The following GMDS variants were observed in gnomAD, a reference collection of about 807,000 sequenced individuals.
GMDS encodes the protein GDP-mannose 4,6 dehydratase.
In GMDS, 20 loss-of-function variants were observed where a neutral mutation model predicts 49.9. The observed-to-expected ratio is 0.40, with a 90% CI of 0.28 to 0.58. The LOEUF is 0.58. Ranked by LOEUF, GMDS falls within the 20% of genes least tolerant of loss-of-function variation. GMDS has a pLI of 0.42. For synonymous variants in GMDS, 177 were observed against 178.6 expected, an observed-to-expected ratio of 0.99 and a Z score of 0.07; for missense variants, 362 against 481.4, an observed-to-expected ratio of 0.75 and a Z score of 2.32.
intron 4 of GMDS, among the ~76,000 whole-genome samples, chr6:2,108,544 C>A (rs1197113505): frequency 1.3e-5 from 2 of 152,172 alleles, no homozygotes; most frequent in Admixed American, 6.5e-5. Context: ...TGGGGATCTT[C>A]TAGCTATTCA....
chr6:1,625,088 C>T (rs1011884148), intron 9 of GMDS: 3 of 152,036 alleles, frequency 2.0e-5, no homozygotes, highest in African/African-American at 7.2e-5. Flanking sequence ...GACTCGGGGA[C>T]CCCTCTACCT....
At chr6:1,641,438 A>T (rs1763326992) in intron 9 of GMDS, among the ~76,000 whole-genome samples, 1 of 152,256 alleles carries the variant, frequency 6.6e-6, no homozygotes, top group African/African-American at 2.4e-5. Context: ...TCTTCCTGTC[A>T]AAGGAGGGAA....
intron 6 of GMDS, among the ~76,000 whole-genome samples, chr6:1,935,498 G>A (rs1762483948): frequency 6.6e-6 from 1 of 152,080 alleles, no homozygotes; most frequent in Admixed American, 6.5e-5. Flanking sequence ...AAGTCTCAAT[G>A]GAAAGTTAAG....
chr6:2,056,772 AT>A lies in GMDS; in HGVS notation c.345+58998del, dbSNP rs897339523. Among the ~76,000 whole-genome samples the A allele has an allele frequency of 2.1e-4, 32 of 152,136 alleles. 1 individual carries two copies. The East Asian group carries it at 4.1e-3, about 19-fold the overall frequency. On this transcript the variant is annotated intron_variant, in intron 4 of 10. Coordinates refer to ENST00000380815, the MANE Select transcript of GMDS (RefSeq NM_001500.4). ...AACCAACCAATCTTGTTTTAGAATAATTTTTTTTCCATTGGTATACTCTCTG... is the reference window on the plus strand; with the variant it reads ...AACCAACCAATCTTGTTTTAGAATAATTTTTTTCCATTGGTATACTCTCTG...
At chr6:2,243,903 A>G (rs1410103406) in intron 1 of GMDS, among the ~76,000 whole-genome samples, 2 of 113,154 alleles carry the variant, frequency 1.8e-5, no homozygotes, top group East Asian at 6.2e-4. Flanking sequence ...CTCTTGCCCC[A>G]GGCTGGAGTA....
intron 7 of GMDS, among the ~76,000 whole-genome samples, chr6:1,786,196 T>C (rs1769313603): frequency 6.6e-6 from 1 of 152,376 alleles, no homozygotes; most frequent in Middle Eastern, 3.4e-3. Flanking sequence ...ATGAAAATGT[T>C]TTATCATTTA....
At chr6:1,821,403 G>A (rs1372903858) in intron 7 of GMDS, among the ~76,000 whole-genome samples, 1 of 151,840 alleles carries the variant, frequency 6.6e-6, no homozygotes, top group East Asian at 1.9e-4. Context: ...GCTGTCGTGG[G>A]CTTTAGGGAG....
intron 7 of GMDS, among the ~76,000 whole-genome samples, chr6:1,807,896 C>G (rs1010094548): frequency 6.6e-6 from 1 of 152,080 alleles, no homozygotes; most frequent in African/African-American, 2.4e-5. Context: ...ATAAACTGGA[C>G]TTCATGACAG....
intron 9 of GMDS, among the ~76,000 whole-genome samples, chr6:1,658,946 T>C (rs1385877616): frequency 6.6e-6 from 1 of 152,180 alleles, no homozygotes; most frequent in Non-Finnish European, 1.5e-5. Flanking sequence ...TTGGGGTAGA[T>C]ATATGTAGAA....
At chr6:1,865,043 C>T (rs1483601699) in intron 7 of GMDS, among the ~76,000 whole-genome samples, 1 of 152,150 alleles carries the variant, frequency 6.6e-6, no homozygotes, top group Non-Finnish European at 1.5e-5. Flanking sequence ...TTAGAAACGC[C>T]ATCATCTGTG....
At chr6:2,165,224 TAA>T (rs544807969) in intron 1 of GMDS, among the ~76,000 whole-genome samples, 10 of 152,138 alleles carry the variant, frequency 6.6e-5, no homozygotes, top group Non-Finnish European at 1.3e-4. Context: ...ATAGGACCAA[TAA>T]AGTGTGTGGA....
At chr6:2,167,760 C>CT (rs1406815676) in intron 1 of GMDS, among the ~76,000 whole-genome samples, 3 of 152,122 alleles carry the variant, frequency 2.0e-5, no homozygotes, top group African/African-American at 7.2e-5. Context: ...TCTGGCTGCT[C>CT]TTACCTCCTT....
chr6:1,830,168 T>C (rs1242558374), intron 7 of GMDS, among the ~76,000 whole-genome samples: 3 of 152,360 alleles, frequency 2.0e-5, no homozygotes, highest in African/African-American at 7.2e-5. Context: ...TACATGTGGC[T>C]GTTGGCTATC....
intron 4 of GMDS, among the ~76,000 whole-genome samples, chr6:1,995,990 G>A (rs1224177014): frequency 6.6e-6 from 1 of 152,188 alleles, no homozygotes; most frequent in African/African-American, 2.4e-5. Context: ...CCTGGGGGTG[G>A]AGGGGAAGGC....
At chr6:2,141,849 G>A (rs1236820222) in intron 1 of GMDS, among the ~76,000 whole-genome samples, 1 of 143,398 alleles carries the variant, frequency 7.0e-6, no homozygotes, top group Non-Finnish European at 1.5e-5. Flanking sequence ...GTCTGGGTTT[G>A]GTTTTGGTTG....
chr6:1,671,097 C>A (rs1252319811), intron 9 of GMDS, among the ~76,000 whole-genome samples: 1 of 152,178 alleles, frequency 6.6e-6, no homozygotes, highest in Non-Finnish European at 1.5e-5. Flanking sequence ...GATCTGATGG[C>A]AGCTCCCCTG....
intron 1 of GMDS, among the ~76,000 whole-genome samples, chr6:2,210,121 C>T (rs1162232354): frequency 6.6e-6 from 1 of 152,128 alleles, no homozygotes; most frequent in African/African-American, 2.4e-5. Context: ...TTATTATAAT[C>T]AACAAATTTG....
chr6:2,200,890 A>C (rs1158101128), intron 1 of GMDS, among the ~76,000 whole-genome samples: 530 of 71,088 alleles, frequency 7.5e-3, no homozygotes, highest in Middle Eastern at 0.025. Flanking sequence ...GAGAGCACCA[A>C]ATGGGCATCC....
At chr6:1,961,317 G>T (rs12664839) in intron 4 of GMDS, among the ~76,000 whole-genome samples, 4 of 152,180 alleles carry the variant, frequency 2.6e-5, no homozygotes, top group African/African-American at 7.2e-5. Flanking sequence ...AATCTCTTTG[G>T]GGGGTAGGGA....
Sources: allele counts gnomAD v4.1 joint callset (sites outside exome capture counted in the v4.1 genomes callset), GRCh38; gene constraint gnomAD v4.1.1; transcripts MANE v1.5; gene names NCBI Gene and HGNC (gene_info 2026-07-23, HGNC 2026-07-21).